ZNF738: variants seen among roughly 807,000 people sequenced by gnomAD.
The protein encoded by ZNF738 is protein ZNF738.
A neutral mutation model predicts 9.2 loss-of-function variants in ZNF738; 10 were observed. The ratio of observed to expected loss-of-function variants is 1.09; its 90% CI spans 0.67 to 1.85. ZNF738 has a LOEUF of 1.85. Among genes scored for constraint, ZNF738 ranks in the 40% most tolerant of loss-of-function variants. The pLI, the probability that ZNF738 is intolerant of heterozygous loss-of-function variation, is 0.00. For synonymous variants in ZNF738, 113 were observed against 94.5 expected, an observed-to-expected ratio of 1.20 and a Z score of -1.14; for missense variants, 346 against 283.6, an observed-to-expected ratio of 1.22 and a Z score of -1.58.
rs543953653 is a variant in ZNF738 at position 21,383,072 on chromosome 19, T to C, written c.526T>C (p.Phe176Leu). 11 of 1,248,812 alleles carry C rather than the reference T, an allele frequency of 8.8e-6. No homozygotes were observed. The African/African-American group carries it at 1.5e-4, about 17-fold the overall frequency. The allele number at this position is 1,248,812 out of a possible 1,614,324, so 77.4% of individuals were successfully genotyped here. Residue 176 changes from phenylalanine (F) to leucine (L), a missense_variant, in exon 5 of 5, where the codon TTT becomes CTT. By Grantham distance (22) the Phe-to-Leu change is conservative. Coordinates refer to ENST00000683779, the MANE Select transcript of ZNF738 (RefSeq NM_001355237.2). Reference protein sequence around the residue: ...EYLTTTQSKIFQCDKYVKVFH... With the variant: ...EYLTTTQSKILQCDKYVKVFH... ...TTTGACAACTACCCAGAGCAAAATA[T>C]TTCAATGTGATAAATATGTGAAAGT...
At chr19:21,367,825 A>C (rs997530201) in intron 2 of ZNF738, among the ~76,000 whole-genome samples, 1 of 152,218 alleles carries the variant, frequency 6.6e-6, no homozygotes, top group Non-Finnish European at 1.5e-5. Context: ...ACTAGGCACC[A>C]CCATCAGGAA....
At chr19:21,362,245 A>T in intron 2 of ZNF738, among the ~76,000 whole-genome samples, 1 of 152,144 alleles carries the variant, frequency 6.6e-6, no homozygotes, top group Non-Finnish European at 1.5e-5. Context: ...TGCCCCCTGG[A>T]TTCTGTAAGG....
At chr19:21,359,484 A>G (rs1973653780) in intron 1 of ZNF738, among the ~76,000 whole-genome samples, 1 of 152,208 alleles carries the variant, frequency 6.6e-6, no homozygotes, top group Non-Finnish European at 1.5e-5. Context: ...GTGCGGGTTC[A>G]TGAATGGGAA....
intron 2 of ZNF738, among the ~76,000 whole-genome samples, chr19:21,374,887 C>T (rs1973905044): frequency 6.6e-6 from 1 of 151,902 alleles, no homozygotes; most frequent in Admixed American, 6.5e-5. Context: ...TTGAGAGGTG[C>T]TGTCTAACTC....
At chr19:21,361,592 T>G (rs142469130) in intron 1 of ZNF738, among the ~76,000 whole-genome samples, 174 bp from the exon 2 acceptor site, 9 of 152,350 alleles carry the variant, frequency 5.9e-5, no homozygotes, top group African/African-American at 2.2e-4. Flanking sequence ...GGAATTTTTT[T>G]GGGTCAGAGT....
chr19:21,373,970 C>T (rs1007840527), intron 2 of ZNF738, among the ~76,000 whole-genome samples: 1 of 152,006 alleles, frequency 6.6e-6, no homozygotes, highest in African/African-American at 2.4e-5. Flanking sequence ...CTCCTATATC[C>T]CAGAGCCTTC....
chr19:21,359,773 A>T (rs1486676060), intron 1 of ZNF738, among the ~76,000 whole-genome samples: 1 of 152,130 alleles, frequency 6.6e-6, no homozygotes, highest in African/African-American at 2.4e-5. Context: ...GCTACTCAGG[A>T]GGCTGAGGCA....
chr19:21,384,314 T>C lies in ZNF738; in HGVS notation c.*640T>C. 6.6e-6 allele frequency among the ~76,000 whole-genome samples: 1 copy of C among 151,932 alleles called. No individual in the cohort carries two copies. The highest frequency in any genetic ancestry group is 1.9e-4 in the East Asian group (1 of 5,158). Reference sequence around the variant, plus strand: ...CCCTTACTAAACATAAGATAATTCATACTGGAGAGAGACCCTACAAGTGTG... The same window carrying C: ...CCCTTACTAAACATAAGATAATTCACACTGGAGAGAGACCCTACAAGTGTG... On this transcript the variant is annotated 3_prime_UTR_variant, in exon 5 of 5. Coordinates refer to ENST00000683779, the MANE Select transcript of ZNF738 (RefSeq NM_001355237.2).
At chr19:21,359,397 T>C (rs1370002457) in intron 1 of ZNF738, among the ~76,000 whole-genome samples, 1 of 152,192 alleles carries the variant, frequency 6.6e-6, no homozygotes, top group African/African-American at 2.4e-5. Flanking sequence ...GGGGAATCTC[T>C]GCACCCGCAG....
chr19:21,362,902 G>T (rs768445485), intron 2 of ZNF738, among the ~76,000 whole-genome samples: 1 of 152,078 alleles, frequency 6.6e-6, no homozygotes, highest in South Asian at 2.1e-4. Context: ...AAATGAATAC[G>T]TTTCCACAAG....
In ZNF738 at chr19:21,366,797, C is replaced by G. The variant is rs182763127; in HGVS notation, c.96+4939C>G. 3.3e-3 allele frequency among the ~76,000 whole-genome samples: 500 copies of G among 152,246 alleles called. 1 individual carries two copies. The highest frequency in any genetic ancestry group is 5.7e-3 in the Non-Finnish European group (389 of 68,028). On this transcript the variant is annotated intron_variant, in intron 2 of 4. Transcript: ENST00000683779. ...CCATGGCATTTGTAACCTCTCATGGCACTGGTGGGAGGGTAACGGAGAATG... is the reference window on the plus strand; with the variant it reads ...CCATGGCATTTGTAACCTCTCATGGGACTGGTGGGAGGGTAACGGAGAATG...
rs911332567 is a variant in ZNF738 at position 21,386,136 on chromosome 19, C to T, written c.*2462C>T. 1.3e-5 allele frequency among the ~76,000 whole-genome samples: 2 copies of T among 150,888 alleles called. No individual in the cohort carries two copies. Among genetic ancestry groups the T allele is most frequent in the African/African-American group, 4.9e-5 (2 of 41,048 alleles). ...GCAAAGCTTTTAAGAAATCCTCATC[C>T]ATTACTAAACAAGATAATTTGTACT... is the stretch of plus-strand genomic sequence containing the variant. On this transcript the variant is annotated 3_prime_UTR_variant, in exon 5 of 5. Transcript: ENST00000683779.
intron 2 of ZNF738, among the ~76,000 whole-genome samples, chr19:21,370,313 A>G (rs1308955774): frequency 2.0e-5 from 3 of 152,114 alleles, no homozygotes; most frequent in Admixed American, 6.5e-5. Flanking sequence ...ATTTTCATCA[A>G]TGTTCATTAA....
intron 2 of ZNF738, among the ~76,000 whole-genome samples, chr19:21,368,615 G>A (rs1298724664): frequency 6.6e-6 from 1 of 151,932 alleles, no homozygotes; most frequent in African/African-American, 2.4e-5. Context: ...ATGCCACCAA[G>A]CCCTGCTAAT....
chr19:21,363,594 A>C (rs527361087), intron 2 of ZNF738, among the ~76,000 whole-genome samples: 4 of 152,178 alleles, frequency 2.6e-5, no homozygotes, highest in Non-Finnish European at 5.9e-5. Context: ...CTGTTAAAAA[A>C]TTTGAATTCT....
At chr19:21,374,193 A>G (rs1470440410) in intron 2 of ZNF738, among the ~76,000 whole-genome samples, 1 of 152,242 alleles carries the variant, frequency 6.6e-6, no homozygotes, top group Non-Finnish European at 1.5e-5. Flanking sequence ...TGTTCAGAAC[A>G]GGATTAAGAA....
chr19:21,383,489 C>G lies in ZNF738; in HGVS notation c.943C>G (p.Pro315Ala), dbSNP rs775594230. ...TAAGACAATTCATGCTGGAGAGAAACCCTACAAATGTGAAGGATGTGGCAA... is the reference window on the plus strand; with the variant it reads ...TAAGACAATTCATGCTGGAGAGAAAGCCTACAAATGTGAAGGATGTGGCAA... ...KHKTIHAGEK[P>A]YKCEGCGKAF... Residue 315 changes from proline to alanine, a missense_variant, in exon 5 of 5, where the codon CCC becomes GCC. Physicochemically the swap from Pro to Ala is conservative, Grantham distance 27. Transcript: ENST00000683779. The G allele has an allele frequency of 3.3e-5, 27 of 816,518 alleles. No homozygotes were observed. The highest frequency in any genetic ancestry group is 4.9e-5 in the Non-Finnish European group (23 of 473,852). The allele number at this position is 816,518 out of a possible 1,614,324, so 50.6% of individuals were successfully genotyped here.
At chr19:21,382,064 T>TTA in intron 4 of ZNF738, 1 of 80,456 alleles carries the variant, frequency 1.2e-5, no homozygotes. Context: ...TTTTCTTTCT[T>TTA]TCTTTTTTTT....
chr19:21,371,849 A>G (rs1465609779), intron 2 of ZNF738: 1 of 152,244 alleles, frequency 6.6e-6, no homozygotes, highest in East Asian at 1.9e-4. Context: ...AAACTTTAAA[A>G]GATCCATTTA....
Sources: allele counts gnomAD v4.1 joint callset (sites outside exome capture counted in the v4.1 genomes callset), GRCh38; gene constraint gnomAD v4.1.1; transcripts MANE v1.5; gene names NCBI Gene and HGNC (gene_info 2026-07-23, HGNC 2026-07-21).